TJP1: variants seen among roughly 807,000 people sequenced by gnomAD.
The protein encoded by TJP1 is tight junction protein ZO-1.
In TJP1, 43 loss-of-function variants were observed where a neutral mutation model predicts 194.2. The ratio of observed to expected loss-of-function variants is 0.22; its 90% CI spans 0.17 to 0.29. The LOEUF (loss-of-function observed/expected upper bound fraction) is 0.29. Among genes scored for constraint, TJP1 ranks in the 10% least tolerant of loss-of-function variants. The probability of loss-of-function intolerance (pLI) is 1.00; values close to 1 mark genes in which losing one functional copy is unlikely to be tolerated. For synonymous variants in TJP1, 801 were observed against 779.0 expected (o/e 1.03, Z -0.47); for missense variants, 1,971 against 2,185.7 (o/e 0.90, Z 1.96).
At chr15:29,903,219 T>C (rs2053689523) in intron 2 of TJP1, among the ~76,000 whole-genome samples, 1 of 152,118 alleles carries the variant, frequency 6.6e-6, no homozygotes, top group South Asian at 2.1e-4. Context: ...TGTGTCATCG[T>C]TTTTAAGCTC....
intron 1 of TJP1, 150 bp downstream of exon 1, chr15:29,821,852 C>G: frequency 1.3e-6 from 1 of 742,490 alleles, no homozygotes; most frequent in Non-Finnish European, 1.6e-6. Flanking sequence ...CCGCGGCCCG[C>G]GGCCCGCGGC....
chr15:29,743,579 T>C (rs2044567592), intron 8 of TJP1, among the ~76,000 whole-genome samples: 1 of 152,110 alleles, frequency 6.6e-6, no homozygotes, highest in African/African-American at 2.4e-5. Flanking sequence ...ATTTAAAATT[T>C]AGCCAGGCAC....
Position 29,726,496 on chromosome 15 carries a change from G to C in TJP1, c.2312-17C>G. On this transcript the variant is annotated splice_polypyrimidine_tract_variant and intron_variant, in intron 17 of 27. Coordinates refer to ENST00000614355, the MANE Select transcript of TJP1 (RefSeq NM_001330239.4). ...TAATTGTAGCTGAAAATAAATTAAC[G>C]ATGTAGTTTTATGGTTAGAGCACTG... is the stretch of plus-strand genomic sequence containing the variant. 6.2e-7 allele frequency: 1 copy of C among 1,609,974 alleles called. No individual in the cohort carries two copies. Among genetic ancestry groups the C allele is most frequent in the Non-Finnish European group, 8.5e-7 (1 of 1,176,476 alleles).
At chr15:29,880,713 C>T (rs901257311) in intron 2 of TJP1, among the ~76,000 whole-genome samples, 2 of 152,190 alleles carry the variant, frequency 1.3e-5, no homozygotes, top group Non-Finnish European at 1.5e-5. Context: ...CTGTGACTGG[C>T]TTATTTCACT....
At chr15:29,898,954 T>C (rs2053558825) in intron 2 of TJP1, among the ~76,000 whole-genome samples, 1 of 152,208 alleles carries the variant, frequency 6.6e-6, no homozygotes, top group Non-Finnish European at 1.5e-5. Context: ...TTTTGGTTCA[T>C]TTTGATTCCG....
chr15:29,726,696 A>C (rs1361611905), intron 17 of TJP1, 85 bp downstream of exon 17: 1 of 1,334,366 alleles, frequency 7.5e-7, no homozygotes, highest in Non-Finnish European at 1.1e-6. Flanking sequence ...TGTAAGTTTT[A>C]GTATTTGAAC....
In TJP1 at chr15:29,800,646, C is replaced by G; in HGVS notation, c.84G>C (p.Arg28Ser). 6.2e-7 allele frequency: 1 copy of G among 1,613,818 alleles called. No homozygotes were observed. The highest frequency in any genetic ancestry group is 8.5e-7 in the Non-Finnish European group (1 of 1,179,890). ...IWEQHTVTLHRAPGFGFGIAI... is the reference protein window; with the variant it reads ...IWEQHTVTLHSAPGFGFGIAI... Reference sequence around the variant, plus strand: ...ATTACTTACTGCAACACAAACTTACCCTGTGAAGCGTCACTGTATGTTGTT... The same window carrying G: ...ATTACTTACTGCAACACAAACTTACGCTGTGAAGCGTCACTGTATGTTGTT... Residue 28 changes from arginine to serine, a missense_variant and splice_region_variant, in exon 2 of 28, where the codon AGG becomes AGC. Coordinates refer to ENST00000614355, the MANE Select transcript of TJP1 (RefSeq NM_001330239.4).
chr15:29,765,267 C>T (rs2046262819), intron 5 of TJP1, among the ~76,000 whole-genome samples: 3 of 152,104 alleles, frequency 2.0e-5, no homozygotes, highest in Non-Finnish European at 2.9e-5. Context: ...GTAAAAACAG[C>T]AAATGTTGAC....
At chr15:29,869,259 A>C (rs531786874) in intron 2 of TJP1, among the ~76,000 whole-genome samples, 3 of 152,222 alleles carry the variant, frequency 2.0e-5, no homozygotes, top group Non-Finnish European at 4.4e-5. Flanking sequence ...AGGACACAAC[A>C]GTCAAACAAA....
rs958509404 is a variant in TJP1, at chr15:29,740,066, C to T, written c.1256+1265G>A. ...GCAGTGGTGTGACCTCGGCTCACTG[C>T]AAGCTCCGCCTCCTGGGTTCACGCC... On this transcript the variant is annotated intron_variant, in intron 10 of 27. Transcript: ENST00000614355. Among the ~76,000 whole-genome samples, 3 of 151,962 alleles carry T rather than the reference C, an allele frequency of 2.0e-5. No homozygotes were observed. In the East Asian group the frequency reaches 5.9e-4, roughly 30 times the overall value.
At chr15:29,850,700 G>C (rs1330553645) in intron 2 of TJP1, among the ~76,000 whole-genome samples, 1 of 152,014 alleles carries the variant, frequency 6.6e-6, no homozygotes, top group Non-Finnish European at 1.5e-5. Flanking sequence ...TAATGAAATA[G>C]GCTGGGCACA....
Position 29,704,299 on chromosome 15 carries a change from G to T in TJP1, c.5075C>A (p.Thr1692Lys). 1 of 1,592,658 alleles carries T rather than the reference G, an allele frequency of 6.3e-7. No homozygotes were observed. Among genetic ancestry groups the T allele is most frequent in the South Asian group, 1.2e-5 (1 of 86,872 alleles). Residue 1692 changes from threonine (T) to lysine (K), a missense_variant, in exon 27 of 28, where the codon ACA becomes AAA. Coordinates refer to ENST00000614355, the MANE Select transcript of TJP1 (RefSeq NM_001330239.4). ...LPPLDKEKGE[T>K]LLSPLVMCGP... ...ACACATCACCAAAGGACTCAGCAGTGTTTCACCTGGAGTTGGAAAAGGGGA... is the reference window on the plus strand; with the variant it reads ...ACACATCACCAAAGGACTCAGCAGTTTTTCACCTGGAGTTGGAAAAGGGGA...
At position 29,822,317 on chromosome 15, in the gene TJP1, G is replaced by A. The variant is rs1057218638; in HGVS notation, c.-289C>T. 1 of 1,097,964 alleles carries A rather than the reference G, an allele frequency of 9.1e-7. No homozygotes were observed. Among genetic ancestry groups the A allele is most frequent in the Admixed American group, 5.2e-5 (1 of 19,386 alleles). The allele number at this position is 1,097,964 out of a possible 1,614,324, so 68.0% of individuals were successfully genotyped here. A position where few individuals can be genotyped will look rare whatever the true frequency, so the allele number is the denominator to read the frequency against. On this transcript the variant is annotated 5_prime_UTR_variant, in exon 1 of 28. Coordinates refer to ENST00000614355, the MANE Select transcript of TJP1 (RefSeq NM_001330239.4). Reference sequence around the variant, plus strand: ...GCAGCTTTCGCAGCCCGGCCACGTCGGCCTCGCCCGGTCGCCCGCCCGTCA... The same window carrying A: ...GCAGCTTTCGCAGCCCGGCCACGTCAGCCTCGCCCGGTCGCCCGCCCGTCA...
At chr15:29,950,183 T>TCCACCACAACCACCACCTCCACCA (rs2055677662) in intron 2 of TJP1, among the ~76,000 whole-genome samples, 1 of 60,010 alleles carries the variant, frequency 1.7e-5, no homozygotes, top group Non-Finnish European at 3.7e-5. Context: ...TACCTCCACC[T>TCCACCACAACCACCACCTCCACCA]CCACCACCAC....
chr15:29,821,987 C>A lies in TJP1; in HGVS notation c.27+15G>T, dbSNP rs1458569013. 1 of 1,312,612 alleles carries A rather than the reference C, an allele frequency of 7.6e-7. No individual in the cohort carries two copies. The highest frequency in any genetic ancestry group is 9.7e-7 in the Non-Finnish European group (1 of 1,030,118). 81.3% of individuals were successfully genotyped at this position (1,312,612 alleles called of 1,614,324 possible). ...GTCGGCCCGGTCTGGCCCTGGCGGC[C>A]GCGGAGGCGCTCACCTTGGCGGCCG... On this transcript the variant is annotated intron_variant, in intron 1 of 27. Coordinates refer to ENST00000614355, the MANE Select transcript of TJP1 (RefSeq NM_001330239.4).
chr15:29,889,768 C>T (rs1000580960), intron 2 of TJP1, among the ~76,000 whole-genome samples: 23 of 152,182 alleles, frequency 1.5e-4, no homozygotes, highest in Non-Finnish European at 2.2e-4. Flanking sequence ...TAATCCATTC[C>T]TTCCTCCAGA....
chr15:29,882,337 TA>T (rs1403767918), intron 2 of TJP1, among the ~76,000 whole-genome samples: 1 of 152,212 alleles, frequency 6.6e-6, no homozygotes, highest in Non-Finnish European at 1.5e-5. Context: ...GAGCCGACTT[TA>T]AATATGAAAT....
chr15:29,720,842 G>C, intron 18 of TJP1, 134 bp from the exon 19 acceptor site: 2 of 694,228 alleles, frequency 2.9e-6, no homozygotes, highest in East Asian at 5.5e-5. Context: ...TTCTGGTAAG[G>C]AAAAGTCAAG....
At position 29,732,740 on chromosome 15, in the gene TJP1, G is replaced by T; in HGVS notation, c.1812C>A (p.Phe604Leu). 1 of 1,614,148 alleles carries T rather than the reference G, an allele frequency of 6.2e-7. No individual in the cohort carries two copies. Among genetic ancestry groups the T allele is most frequent in the Non-Finnish European group, 8.5e-7 (1 of 1,180,028 alleles). ...TTCTCTTGGAGCTGCGAAGACCTCT[G>T]AATCTCCAGAAGTCAGCACGGTCTC... ...AGGDRADFWR[F>L]RGLRSSKRNL... Residue 604 changes from phenylalanine (F) to leucine (L), a missense_variant, in exon 14 of 28, where the codon TTC becomes TTA. By Grantham distance (22) the Phe-to-Leu change is conservative (BLOSUM62 0). Around this residue, in one of 5 missense-constraint regions of TJP1, gnomAD observed 402 missense variants for 484.2 expected, o/e 0.83. Transcript: ENST00000614355.
Sources: gnomAD v4.1 joint callset for allele counts (sites outside exome capture counted in the v4.1 genomes callset) on GRCh38, gnomAD v4.1.1 for gene constraint, gnomAD v4.1.1 regional missense constraint, MANE v1.5 for transcripts, NCBI Gene and HGNC (gene_info 2026-07-23, HGNC 2026-07-21) for gene names.